The following ZNG1F variants were observed in gnomAD, a reference collection of about 807,000 sequenced individuals.
ZNG1F encodes zinc-regulated GTPase metalloprotein activator 1F.
chr9:41,202,122 CAG>C, the ZNG1F span, among the ~76,000 whole-genome samples: 3 of 136,490 alleles, frequency 2.2e-5, no homozygotes, highest in South Asian at 7.5e-4. Flanking sequence ...ATAACAGAAA[CAG>C]AGCACGCATC....
chr9:41,132,113 G>A, the ZNG1F span: 1 of 1,550,284 alleles, frequency 6.5e-7, no homozygotes. Flanking sequence ...TTGACCACAA[G>A]CTTATTTAGT....
At chr9:41,203,308 A>G in the ZNG1F span, among the ~76,000 whole-genome samples, 3 of 152,174 alleles carry the variant, frequency 2.0e-5, no homozygotes, top group Non-Finnish European at 4.4e-5. Flanking sequence ...TTGATCATCC[A>G]TTATTCTTTT....
chr9:41,154,904 G>T, the ZNG1F span, among the ~76,000 whole-genome samples: 3 of 149,956 alleles, frequency 2.0e-5, no homozygotes, highest in Non-Finnish European at 3.0e-5. Flanking sequence ...AAAAACCCTA[G>T]AAGAAAACCT....
chr9:41,142,840 T>A, the ZNG1F span, among the ~76,000 whole-genome samples: 22 of 119,482 alleles, frequency 1.8e-4, no homozygotes, highest in African/African-American at 6.7e-4. Context: ...AGACTCCGTC[T>A]CAGAAAAAAC....
chr9:41,187,081 A>G, the ZNG1F span, among the ~76,000 whole-genome samples: 1 of 148,046 alleles, frequency 6.8e-6, no homozygotes, highest in African/African-American at 2.5e-5. Flanking sequence ...GGGTGAATGT[A>G]AGAAATCTTC....
At chr9:41,140,990 AG>A in the ZNG1F span, among the ~76,000 whole-genome samples, 15,281 of 151,166 alleles carry the variant, frequency 0.1, 75 homozygotes, top group South Asian at 0.15. Flanking sequence ...GGCCTGTCAA[AG>A]CGCTAGGATT....
At chr9:41,164,732 T>C in the ZNG1F span, 1 of 233,308 alleles carries the variant, frequency 4.3e-6, no homozygotes, top group Non-Finnish European at 7.6e-6. Context: ...TAGGAAAGAG[T>C]CAAAGAGAAG....
At chr9:41,149,718 G>A in the ZNG1F span, among the ~76,000 whole-genome samples, 2 of 151,262 alleles carry the variant, frequency 1.3e-5, no homozygotes, top group African/African-American at 4.9e-5. Context: ...TAAAGCTTCA[G>A]TTCTAAAGAG....
the ZNG1F span, chr9:41,145,982 C>T: frequency 9.7e-5 from 12 of 123,188 alleles, no homozygotes; most frequent in East Asian, 2.4e-4. Context: ...GGGGACAGGA[C>T]GGGAGGGGGA....
At chr9:41,148,649 GCCT>G in the ZNG1F span, among the ~76,000 whole-genome samples, 1 of 138,990 alleles carries the variant, frequency 7.2e-6, no homozygotes, top group Admixed American at 7.2e-5. Context: ...TAACTGCCCT[GCCT>G]GTCCCACACT....
chr9:41,155,266 T>A, the ZNG1F span, among the ~76,000 whole-genome samples: 7 of 150,242 alleles, frequency 4.7e-5, no homozygotes, highest in Admixed American at 6.7e-5. Context: ...GCTCACCATC[T>A]CTGGCCATCA....
At chr9:41,166,628 TATAA>T in the ZNG1F span, among the ~76,000 whole-genome samples, 1 of 52,552 alleles carries the variant, frequency 1.9e-5, no homozygotes, top group East Asian at 5.6e-4. Context: ...ATGAGATCAT[TATAA>T]ATAGATAGCA....
chr9:41,166,443 TACATA>T, the ZNG1F span, among the ~76,000 whole-genome samples: 8 of 29,248 alleles, frequency 2.7e-4, no homozygotes, highest in African/African-American at 6.9e-4. Flanking sequence ...ATTATTATTA[TACATA>T]TATATATATA....
chr9:41,199,765 A>C, the ZNG1F span, among the ~76,000 whole-genome samples: 8 of 152,116 alleles, frequency 5.3e-5, no homozygotes, highest in Non-Finnish European at 1.2e-4. Context: ...ACATCTTCTG[A>C]TATCTAGGCA....
the ZNG1F span, among the ~76,000 whole-genome samples, chr9:41,156,133 T>C: frequency 2.3e-5 from 3 of 132,886 alleles, no homozygotes; most frequent in African/African-American, 9.1e-5. Flanking sequence ...GTGTTTGGTG[T>C]AGAAGTGTTA....
chr9:41,154,761 C>T, the ZNG1F span, among the ~76,000 whole-genome samples: 2 of 150,158 alleles, frequency 1.3e-5, no homozygotes, highest in African/African-American at 4.9e-5. Flanking sequence ...GGGAAAGATT[C>T]CCTATTTAAT....
the ZNG1F span, among the ~76,000 whole-genome samples, chr9:41,204,721 C>T: frequency 2.2e-5 from 1 of 45,912 alleles, no homozygotes; most frequent in South Asian, 1.3e-3. Context: ...GAATACACTA[C>T]CATTTCTATC....
the ZNG1F span, among the ~76,000 whole-genome samples, chr9:41,178,991 G>A: frequency 1.6e-4 from 17 of 108,370 alleles, no homozygotes; most frequent in African/African-American, 5.6e-4. Context: ...TCTCTTGTTA[G>A]AGGCTAAAGC....
the ZNG1F span, among the ~76,000 whole-genome samples, chr9:41,185,074 G>C: frequency 7.0e-6 from 1 of 142,286 alleles, no homozygotes; most frequent in Non-Finnish European, 1.5e-5. Context: ...CTAGAAGTGA[G>C]CTTTGATTAC....
Sources: gnomAD v4.1 joint callset for allele counts (sites outside exome capture counted in the v4.1 genomes callset) on GRCh38, gnomAD v4.1.1 for gene constraint, MANE v1.5 for transcripts, NCBI Gene and HGNC (gene_info 2026-07-23, HGNC 2026-07-21) for gene names.